Variants in TENM2 observed in about 807,000 individuals in gnomAD.
TENM2 encodes the protein teneurin transmembrane protein 2.
A neutral mutation model predicts 245.2 loss-of-function variants in TENM2; 52 were observed. That is an observed-to-expected ratio of 0.21 (90% CI 0.17 to 0.27). TENM2 has a LOEUF of 0.27. Ranked by LOEUF, TENM2 falls within the 10% of genes least tolerant of loss-of-function variation. The pLI is 1.00. For synonymous variants in TENM2, 1,363 were observed against 1,438.9 expected (o/e 0.95, Z 1.19); for missense variants, 3,046 against 3,666.8 (o/e 0.83, Z 4.37).
chr5:167,399,306 C>A (rs901269955), intron 2 of TENM2, among the ~76,000 whole-genome samples: 1 of 152,088 alleles, frequency 6.6e-6, no homozygotes, highest in Admixed American at 6.6e-5. Context: ...AATAATAAGC[C>A]AGGATGAGCA....
At chr5:167,078,745 A>G in the TENM2 span, among the ~76,000 whole-genome samples, 5 of 152,058 alleles carry the variant, frequency 3.3e-5, no homozygotes, top group Non-Finnish European at 7.4e-5. Flanking sequence ...TCAATATATA[A>G]CCTTGCTTTT....
chr5:168,009,753 T>A (rs1352255155), intron 5 of TENM2, among the ~76,000 whole-genome samples: 1 of 152,338 alleles, frequency 6.6e-6, no homozygotes, highest in East Asian at 1.9e-4. Context: ...GATAATTATG[T>A]CTCTTTGCTT....
At chr5:167,879,396 C>G (rs1364885952) in intron 3 of TENM2, among the ~76,000 whole-genome samples, 3 of 152,146 alleles carry the variant, frequency 2.0e-5, no homozygotes, top group African/African-American at 7.2e-5. Context: ...GCGAGTGGCT[C>G]ATTCTGTGTT....
intron 5 of TENM2, among the ~76,000 whole-genome samples, chr5:168,006,586 T>C (rs1375326398): frequency 2.0e-5 from 3 of 152,150 alleles, no homozygotes; most frequent in Non-Finnish European, 4.4e-5. Context: ...TAAGCTTCAA[T>C]AAATGTGTGA....
intron 2 of TENM2, among the ~76,000 whole-genome samples, chr5:167,666,336 C>T (rs1018350621): frequency 5.9e-5 from 9 of 152,172 alleles, no homozygotes; most frequent in Non-Finnish European, 1.3e-4. Flanking sequence ...GTGACAGTCT[C>T]AACCCCAAAC....
intron 2 of TENM2, among the ~76,000 whole-genome samples, chr5:167,733,313 CA>C (rs1381537778): frequency 6.6e-6 from 1 of 152,174 alleles, no homozygotes; most frequent in African/African-American, 2.4e-5. Context: ...TGGTTAATAA[CA>C]GGCACTGAGG....
At chr5:167,907,363 T>C (rs1266563690) in intron 3 of TENM2, among the ~76,000 whole-genome samples, 1 of 151,248 alleles carries the variant, frequency 6.6e-6, no homozygotes, top group African/African-American at 2.4e-5. Context: ...AGACCCTTGT[T>C]TACAAAGCAT....
chr5:167,351,836 G>T (rs1204203599), intron 1 of TENM2, among the ~76,000 whole-genome samples: 1 of 134,018 alleles, frequency 7.5e-6, no homozygotes, highest in Admixed American at 8.1e-5. Context: ...AGGGATCTGG[G>T]AACAAAAACA....
At chr5:167,059,656 A>G in the TENM2 span, among the ~76,000 whole-genome samples, 2 of 56,150 alleles carry the variant, frequency 3.6e-5, no homozygotes, top group African/African-American at 3.7e-4. Context: ...ATTCCTAGTT[A>G]CTGATAGTTA....
intron 2 of TENM2, among the ~76,000 whole-genome samples, chr5:167,569,650 G>A (rs1330613648): frequency 6.6e-6 from 1 of 152,192 alleles, no homozygotes; most frequent in East Asian, 1.9e-4. Flanking sequence ...TTGTTGCAAG[G>A]TTAGAAATTA....
rs57368272 is a variant in TENM2 at position 168,232,762 on chromosome 5, G to A, written c.5520+4632G>A. On this transcript the variant is annotated intron_variant, in intron 25 of 28. Coordinates refer to ENST00000518659, the Ensembl canonical transcript of TENM2. ...CCTTTCTTCCCACAATCCTCCAGAC[G>A]GAGGCATCTCTTAGTGGAGGAAAGT... Among the ~76,000 whole-genome samples the A allele has an allele frequency of 1.5e-3, 231 of 152,286 alleles. No individual in the cohort carries two copies. In the East Asian group the frequency reaches 0.026, roughly 17 times the overall value.
At chr5:167,817,532 G>C (rs1056924500) in intron 2 of TENM2, among the ~76,000 whole-genome samples, 1 of 152,132 alleles carries the variant, frequency 6.6e-6, no homozygotes, top group African/African-American at 2.4e-5. Flanking sequence ...AAAAGATTTA[G>C]AAGTGGCCAT....
chr5:167,061,686 A>G, the TENM2 span, among the ~76,000 whole-genome samples: 7 of 152,266 alleles, frequency 4.6e-5, no homozygotes, highest in African/African-American at 1.7e-4. Flanking sequence ...GGATCATTCA[A>G]TCAGTCTTCT....
At chr5:167,627,111 A>T (rs556669987) in intron 2 of TENM2, among the ~76,000 whole-genome samples, 1 of 152,178 alleles carries the variant, frequency 6.6e-6, no homozygotes, top group African/African-American at 2.4e-5. Context: ...TACAGTGTCA[A>T]TTTGTGGAAT....
At chr5:167,102,518 G>A in the TENM2 span, among the ~76,000 whole-genome samples, 4 of 152,196 alleles carry the variant, frequency 2.6e-5, no homozygotes, top group Non-Finnish European at 2.9e-5. Context: ...AGTGAGGGAT[G>A]TTGGGCCTTC....
At chr5:167,600,267 T>C (rs866136696) in intron 2 of TENM2, among the ~76,000 whole-genome samples, 1 of 151,892 alleles carries the variant, frequency 6.6e-6, no homozygotes, top group South Asian at 2.1e-4. Flanking sequence ...GATTTTTACA[T>C]TAAAAAAATA....
intron 2 of TENM2, among the ~76,000 whole-genome samples, chr5:167,533,485 C>T (rs963851374): frequency 7.9e-5 from 12 of 152,112 alleles, no homozygotes; most frequent in East Asian, 1.9e-4. Flanking sequence ...AGCCTGTCTC[C>T]GAGCCTGGAG....
At chr5:167,023,859 C>T in the TENM2 span, among the ~76,000 whole-genome samples, 961 of 152,202 alleles carry the variant, frequency 6.3e-3, 8 homozygotes, top group Admixed American at 0.016. Context: ...TACTGTTGGA[C>T]GGAAAACCCA....
intron 3 of TENM2, among the ~76,000 whole-genome samples, chr5:167,890,536 T>C (rs1774663763): frequency 6.6e-6 from 1 of 152,156 alleles, no homozygotes; most frequent in Non-Finnish European, 1.5e-5. Context: ...TTATGCTTTA[T>C]TTAGGTGACA....
Sources: allele counts gnomAD v4.1 joint callset (sites outside exome capture counted in the v4.1 genomes callset), GRCh38; gene constraint gnomAD v4.1.1; transcripts MANE v1.5; gene names NCBI Gene and HGNC (gene_info 2026-07-23, HGNC 2026-07-21).